OLFM1: variants seen among roughly 807,000 people sequenced by gnomAD.
OLFM1 encodes noelin.
A neutral mutation model predicts 49.7 loss-of-function variants in OLFM1; 9 were observed. That is an observed-to-expected ratio of 0.18 (90% CI 0.11 to 0.32). OLFM1 has a LOEUF of 0.32. Ranked by LOEUF, OLFM1 falls within the 10% of genes least tolerant of loss-of-function variation. The pLI, the probability that OLFM1 is intolerant of heterozygous loss-of-function variation, is 1.00. For synonymous variants in OLFM1, 240 were observed against 271.8 expected (o/e 0.88, Z 1.15); for missense variants, 369 against 661.8 (o/e 0.56, Z 4.85).
intron 5 of OLFM1, among the ~76,000 whole-genome samples, chr9:135,111,739 C>T (rs1056137747): frequency 6.6e-6 from 1 of 152,144 alleles, no homozygotes; most frequent in Non-Finnish European, 1.5e-5. Context: ...GAGACGGAGT[C>T]TTGCTCTGTC....
At chr9:135,081,427 G>T (rs971356379) in intron 1 of OLFM1, among the ~76,000 whole-genome samples, 2 of 152,108 alleles carry the variant, frequency 1.3e-5, no homozygotes, top group Non-Finnish European at 2.9e-5. Flanking sequence ...CACGTGCACG[G>T]CCGGCTGCTG....
In OLFM1 at chr9:135,091,859, ACACACT is replaced by A. The variant is rs746050407; in HGVS notation, c.300+1521_300+1526del. Among the ~76,000 whole-genome samples, 640 of 140,188 alleles carry A rather than the reference ACACACT, an allele frequency of 4.6e-3. 4 individuals carry two copies. The highest frequency in any genetic ancestry group is 0.015 in the African/African-American group (580 of 37,996). 92.0% of individuals were successfully genotyped at this position (140,188 alleles called of 152,430 possible). A position where few individuals can be genotyped will look rare whatever the true frequency, so the allele number is the denominator to read the frequency against. On this transcript the variant is annotated intron_variant, in intron 2 of 5. Coordinates refer to ENST00000371793, the MANE Select transcript of OLFM1 (RefSeq NM_001282611.2). The stretch of plus-strand genomic sequence containing the variant: ...CACACACACACTCACACATAGTCAC[ACACACT>A]CACACACAGTCACACACACACTCAC...
At chr9:135,105,191 A>G (rs1027012308) in intron 4 of OLFM1, among the ~76,000 whole-genome samples, 1 of 152,206 alleles carries the variant, frequency 6.6e-6, no homozygotes, top group Non-Finnish European at 1.5e-5. Context: ...AGGAATGGGG[A>G]ACTACGCACG....
At chr9:135,075,900 C>G in intron 1 of OLFM1, 1 of 1,428,236 alleles carries the variant, frequency 7.0e-7, no homozygotes, top group Non-Finnish European at 9.2e-7. Context: ...TCCGCGCCGC[C>G]CCGCGCCCCC....
intron 2 of OLFM1, among the ~76,000 whole-genome samples, chr9:135,093,782 G>A (rs1026266955): frequency 6.6e-6 from 1 of 152,196 alleles, no homozygotes; most frequent in Non-Finnish European, 1.5e-5. Flanking sequence ...AGATGGGTGC[G>A]TGATTGCAGT....
chr9:135,091,425 TCACAAA>T (rs1236768954), intron 2 of OLFM1, among the ~76,000 whole-genome samples: 1 of 151,212 alleles, frequency 6.6e-6, no homozygotes, highest in Non-Finnish European at 1.5e-5. Context: ...ACACGCACAC[TCACAAA>T]CACACTCACA....
rs1249621707 is a variant in OLFM1, at chr9:135,098,638, G to A, written c.676+133G>A. On this transcript the variant is annotated intron_variant, in intron 4 of 5. Transcript: ENST00000371793. The surrounding 1 kb of genome is among the most constrained non-coding windows in gnomAD (Gnocchi z 5.6). ...GTGATGGCTGGATTAGGGCTCCTGGGCAGGTCTACCTTGAGAGACAGCAAA... is the reference window on the plus strand; with the variant it reads ...GTGATGGCTGGATTAGGGCTCCTGGACAGGTCTACCTTGAGAGACAGCAAA... The A allele has an allele frequency of 1.9e-5, 14 of 752,650 alleles. No individual in the cohort carries two copies. Among genetic ancestry groups the A allele is most frequent in the Non-Finnish European group, 2.2e-6 (1 of 457,422 alleles). 46.6% of individuals were successfully genotyped at this position (752,650 alleles called of 1,614,324 possible). A position where few individuals can be genotyped will look rare whatever the true frequency, so the allele number is the denominator to read the frequency against.
At chr9:135,078,273 T>A (rs548466565) in intron 1 of OLFM1, among the ~76,000 whole-genome samples, 1 of 152,358 alleles carries the variant, frequency 6.6e-6, no homozygotes, top group South Asian at 2.1e-4. Context: ...ACATCCTTGC[T>A]TTTAGCTCCT....
Position 135,113,236 on chromosome 9 carries a change from C to G in OLFM1, c.784-6268C>G, listed in dbSNP as rs1831047973. On this transcript the variant is annotated intron_variant, in intron 5 of 5. Coordinates refer to ENST00000371793, the MANE Select transcript of OLFM1 (RefSeq NM_001282611.2). This position sits in a 1 kb window ranked among gnomAD's most constrained non-coding sequence, Gnocchi z 4.0. ...GGTGTCACGGCCTGTCTTGCTGCAT[C>G]CTGGGCTAGTCCGGAGGCCAAGCCC... Among the ~76,000 whole-genome samples, 1 of 152,018 alleles carries G rather than the reference C, an allele frequency of 6.6e-6. No individual in the cohort carries two copies. The highest frequency in any genetic ancestry group is 1.5e-5 in the Non-Finnish European group (1 of 67,996).
At chr9:135,114,245 C>T (rs10115968) in intron 5 of OLFM1, among the ~76,000 whole-genome samples, 35,540 of 148,096 alleles carry the variant, frequency 0.24, 4,303 homozygotes, top group Middle Eastern at 0.31. Flanking sequence ...CTTAGCCTCC[C>T]GAGTAGCTGG....
chr9:135,075,678 C>T, exon 1 of OLFM1: 1 of 1,533,158 alleles, frequency 6.5e-7, no homozygotes, highest in South Asian at 1.2e-5. Flanking sequence ...TCCACGCAGC[C>T]GCCGGCCGGC....
At chr9:135,092,445 G>C (rs1319275945) in intron 2 of OLFM1, among the ~76,000 whole-genome samples, 1 of 152,194 alleles carries the variant, frequency 6.6e-6, no homozygotes, top group Non-Finnish European at 1.5e-5. Context: ...AGCCACCTGA[G>C]TAAATCATTT....
intron 5 of OLFM1, among the ~76,000 whole-genome samples, chr9:135,111,231 G>C (rs984617023): frequency 2.0e-5 from 3 of 152,190 alleles, no homozygotes; most frequent in Non-Finnish European, 4.4e-5. Context: ...TTGTGTTTGC[G>C]TGAGAAGGAA....
At chr9:135,114,120 A>ATT (rs1564280453) in intron 5 of OLFM1, among the ~76,000 whole-genome samples, 4 of 72,514 alleles carry the variant, frequency 5.5e-5, no homozygotes, top group African/African-American at 1.7e-4. Context: ...TCATCTTGAG[A>ATT]TTCTTTTTTT....
At chr9:135,115,398 C>T (rs1445689806) in intron 5 of OLFM1, among the ~76,000 whole-genome samples, 1 of 152,256 alleles carries the variant, frequency 6.6e-6, no homozygotes, top group Non-Finnish European at 1.5e-5. Flanking sequence ...ATGGGTGACG[C>T]AGGGACAGAG....
At chr9:135,099,400 C>G (rs1035316811) in intron 4 of OLFM1, among the ~76,000 whole-genome samples, 10 of 151,924 alleles carry the variant, frequency 6.6e-5, no homozygotes, top group African/African-American at 2.4e-4. Flanking sequence ...ACTGGATTAC[C>G]TTTTTATTTC....
chr9:135,118,259 G>A (rs1365156372), intron 5 of OLFM1, among the ~76,000 whole-genome samples: 2 of 151,740 alleles, frequency 1.3e-5, no homozygotes, highest in African/African-American at 4.8e-5. Context: ...GGTCTTTGGA[G>A]TACTCACTGG....
chr9:135,077,100 T>G, intron 1 of OLFM1: 7 of 1,550,444 alleles, frequency 4.5e-6, no homozygotes, highest in Non-Finnish European at 6.1e-6. Flanking sequence ...GAAGGCCTGG[T>G]GGAGGGTGGT....
At chr9:135,075,597 G>A in exon 1 of OLFM1, 2 of 637,656 alleles carry the variant, frequency 3.1e-6, no homozygotes, top group Non-Finnish European at 4.8e-6. Flanking sequence ...CTGAATCCAG[G>A]CGTGGGGACA....
Sources: gnomAD v4.1 joint callset for allele counts (sites outside exome capture counted in the v4.1 genomes callset) on GRCh38, gnomAD v4.1.1 for gene constraint, Gnocchi (gnomAD v3.1) non-coding constraint, MANE v1.5 for transcripts, NCBI Gene and HGNC (gene_info 2026-07-23, HGNC 2026-07-21) for gene names.